Variants in PCSK5 observed in about 807,000 individuals in gnomAD.
PCSK5 encodes the protein proprotein convertase subtilisin/kexin type 5, also known as prohormone convertase 5.
Under a neutral mutation model 233.2 loss-of-function variants are expected in PCSK5, and 129 were observed. That is an observed-to-expected ratio of 0.55 (90% CI 0.48 to 0.64). The LOEUF is 0.64. Ranked by LOEUF, PCSK5 falls within the 30% of genes least tolerant of loss-of-function variation. The pLI is 0.00. For missense variants in PCSK5, 2,076 were observed against 2,430.1 expected (o/e 0.85, Z 3.06); for synonymous variants, 825 against 879.2 (o/e 0.94, Z 1.09).
intron 9 of PCSK5, among the ~76,000 whole-genome samples, chr9:76,121,520 A>G (rs1832628609): frequency 6.6e-6 from 1 of 152,162 alleles, no homozygotes; most frequent in African/African-American, 2.4e-5. Flanking sequence ...TCTAAAGTAT[A>G]CTTTTGGTAT....
intron 27 of PCSK5, among the ~76,000 whole-genome samples, chr9:76,297,548 C>T (rs1250138265): frequency 6.6e-6 from 1 of 152,170 alleles, no homozygotes; most frequent in Non-Finnish European, 1.5e-5. Flanking sequence ...CCTCCTCACA[C>T]TTGAGCGTCA....
At chr9:75,895,848 C>T (rs1825779522) in intron 1 of PCSK5, among the ~76,000 whole-genome samples, 1 of 152,114 alleles carries the variant, frequency 6.6e-6, no homozygotes, top group Non-Finnish European at 1.5e-5. Flanking sequence ...TGAACACCTC[C>T]CACCCTGCTG....
intron 21 of PCSK5, 133 bp from the exon 22 acceptor site, chr9:76,233,327 C>T (rs1262030807): frequency 1.2e-6 from 1 of 843,610 alleles, no homozygotes; most frequent in Non-Finnish European, 1.9e-6. Context: ...GATGATCACT[C>T]CCAGGCATCC....
intron 9 of PCSK5, among the ~76,000 whole-genome samples, chr9:76,122,523 A>C (rs1390138392): frequency 6.6e-6 from 1 of 152,042 alleles, no homozygotes; most frequent in Non-Finnish European, 1.5e-5. Flanking sequence ...TTTTCACTAC[A>C]TTGTGTCCAG....
chr9:76,003,998 G>A (rs748183429), intron 3 of PCSK5, among the ~76,000 whole-genome samples: 2 of 152,028 alleles, frequency 1.3e-5, no homozygotes, highest in Non-Finnish European at 2.9e-5. Context: ...GCAGGGTTTC[G>A]TGTTCCGTAG....
chr9:75,993,249 C>G (rs1425350747), intron 3 of PCSK5, among the ~76,000 whole-genome samples: 2 of 151,932 alleles, frequency 1.3e-5, no homozygotes, highest in African/African-American at 4.8e-5. Flanking sequence ...TGAGAAAGGA[C>G]AGATGCCAGT....
At chr9:76,000,790 T>A (rs1411881202) in intron 3 of PCSK5, among the ~76,000 whole-genome samples, 1 of 152,194 alleles carries the variant, frequency 6.6e-6, no homozygotes, top group Non-Finnish European at 1.5e-5. Context: ...CTATTCAAGT[T>A]GACTTCTAGG....
chr9:76,010,357 C>G (rs1302953676), intron 3 of PCSK5, among the ~76,000 whole-genome samples: 1 of 152,190 alleles, frequency 6.6e-6, no homozygotes, highest in Non-Finnish European at 1.5e-5. Context: ...GTACAAACTT[C>G]TCACTAGAAA....
chr9:75,936,332 T>G (rs1381679554), intron 2 of PCSK5, among the ~76,000 whole-genome samples: 1 of 152,230 alleles, frequency 6.6e-6, no homozygotes, highest in East Asian at 1.9e-4. Flanking sequence ...GCCAACACAG[T>G]TGTAGTCACA....
At position 76,362,139 on chromosome 9, in the gene PCSK5, T is replaced by C. The variant is rs1291165002; in HGVS notation, c.*3217T>C. The stretch of plus-strand genomic sequence containing the variant: ...TTAGTCATGCAACGTCATTCTTAGA[T>C]GGCTTTTGAATACTATGCTAATGAC... On this transcript the variant is annotated 3_prime_UTR_variant, in exon 38 of 38. Transcript: ENST00000674117. The C allele has an allele frequency of 6.6e-6, 1 of 152,232 alleles. No individual in the cohort carries two copies. Among genetic ancestry groups the C allele is most frequent in the Non-Finnish European group, 1.5e-5 (1 of 68,032 alleles). The allele number at this position is 152,232 out of a possible 1,614,324, so 9.4% of individuals were successfully genotyped here. A position where few individuals can be genotyped will look rare whatever the true frequency, so the allele number is the denominator to read the frequency against.
intron 3 of PCSK5, among the ~76,000 whole-genome samples, chr9:75,994,396 C>CT (rs1826907729): frequency 1.3e-4 from 9 of 68,328 alleles, no homozygotes; most frequent in African/African-American, 2.2e-4. Flanking sequence ...TTCTTTCTTT[C>CT]TTTCTTTTTT....
At chr9:76,218,291 A>G (rs1418472390) in intron 20 of PCSK5, among the ~76,000 whole-genome samples, 1 of 152,196 alleles carries the variant, frequency 6.6e-6, no homozygotes, top group Non-Finnish European at 1.5e-5. Flanking sequence ...TAATAATAAA[A>G]AAAAGAACGT....
intron 20 of PCSK5, among the ~76,000 whole-genome samples, chr9:76,215,641 G>A (rs1289969018): frequency 1.3e-5 from 2 of 152,084 alleles, no homozygotes; most frequent in Non-Finnish European, 2.9e-5. Context: ...GAGAGTGGAG[G>A]CCAGGTGTGG....
chr9:76,022,092 CCAT>C (rs1192144142), intron 3 of PCSK5, among the ~76,000 whole-genome samples: 1 of 152,146 alleles, frequency 6.6e-6, no homozygotes, highest in Admixed American at 6.5e-5. Context: ...TTTTTTCTGA[CCAT>C]CTCATCTAAA....
rs749492810 is a variant in PCSK5, at chr9:76,332,427, T to A, written c.4571-6T>A. 1.9e-6 allele frequency: 3 copies of A among 1,608,420 alleles called. No individual in the cohort carries two copies. In the South Asian group the frequency reaches 3.3e-5, roughly 18 times the overall value. ...GTCCAAATAGACATTTTTTCTCCCA[T>A]GACAGACACAACCTGTGTGAAGGAC... On this transcript the variant is annotated splice_region_variant and splice_polypyrimidine_tract_variant and intron_variant, in intron 33 of 37. Coordinates refer to ENST00000674117, the MANE Select transcript of PCSK5 (RefSeq NM_001372043.1).
chr9:76,261,632 C>T, intron 24 of PCSK5, among the ~76,000 whole-genome samples: 1 of 152,132 alleles, frequency 6.6e-6, no homozygotes, highest in African/African-American at 2.4e-5. Flanking sequence ...TTCTTCCTAC[C>T]CATGAGTATG....
chr9:76,357,440 T>C (rs977603290), intron 37 of PCSK5, among the ~76,000 whole-genome samples: 1 of 152,170 alleles, frequency 6.6e-6, no homozygotes, highest in African/African-American at 2.4e-5. Flanking sequence ...TTGCTTGAGC[T>C]TGGGAGACAG....
chr9:75,975,593 G>A (rs1191529023), intron 2 of PCSK5, among the ~76,000 whole-genome samples: 1 of 152,040 alleles, frequency 6.6e-6, no homozygotes, highest in East Asian at 1.9e-4. Context: ...CAACTTGAGG[G>A]CATCCAATTT....
intron 5 of PCSK5, among the ~76,000 whole-genome samples, chr9:76,058,543 A>G (rs1222324991): frequency 6.6e-6 from 1 of 152,178 alleles, no homozygotes; most frequent in African/African-American, 2.4e-5. Flanking sequence ...TACAGCCCAA[A>G]TTTTAAATGT....
Sources: gnomAD v4.1 joint callset for allele counts (sites outside exome capture counted in the v4.1 genomes callset) on GRCh38, gnomAD v4.1.1 for gene constraint, MANE v1.5 for transcripts, NCBI Gene and HGNC (gene_info 2026-07-23, HGNC 2026-07-21) for gene names.